The following GRK3 variants were observed in gnomAD, a reference collection of about 807,000 sequenced individuals.
The protein encoded by GRK3 is G protein-coupled receptor kinase 3.
Under a neutral mutation model 95.7 loss-of-function variants are expected in GRK3, and 54 were observed. The ratio of observed to expected loss-of-function variants is 0.56; its 90% CI spans 0.45 to 0.71. The LOEUF (loss-of-function observed/expected upper bound fraction) is 0.71. Among genes scored for constraint, GRK3 ranks in the 30% least tolerant of loss-of-function variants. GRK3 has a pLI of 0.00. For missense variants in GRK3, 649 were observed against 851.2 expected, an observed-to-expected ratio of 0.76 and a Z score of 2.96; for synonymous variants, 281 against 290.8, an observed-to-expected ratio of 0.97 and a Z score of 0.34.
At chr22:25,681,950 C>T (rs1428769370) in intron 9 of GRK3, among the ~76,000 whole-genome samples, 1 of 152,008 alleles carries the variant, frequency 6.6e-6, no homozygotes, top group Non-Finnish European at 1.5e-5. Context: ...TCATATTGGT[C>T]AGTATTCGGT....
intron 13 of GRK3, among the ~76,000 whole-genome samples, chr22:25,696,096 A>T (rs2085206496): frequency 6.6e-6 from 1 of 151,986 alleles, no homozygotes; most frequent in Non-Finnish European, 1.5e-5. Flanking sequence ...TGGCCTCCCA[A>T]AGTGCTGGGA....
intron 3 of GRK3, chr22:25,648,168 A>C: frequency 1.5e-6 from 1 of 687,644 alleles, no homozygotes; most frequent in Non-Finnish European, 2.6e-6. Flanking sequence ...AGAGAGCGAA[A>C]CTACTAAAGG....
At chr22:25,587,813 T>C (rs563299726) in intron 1 of GRK3, among the ~76,000 whole-genome samples, 1 of 152,342 alleles carries the variant, frequency 6.6e-6, no homozygotes, top group South Asian at 2.1e-4. Flanking sequence ...TTTCGCTTGG[T>C]TCTCATTCTC....
At chr22:25,608,042 G>T (rs1298309458) in intron 2 of GRK3, among the ~76,000 whole-genome samples, 1 of 152,166 alleles carries the variant, frequency 6.6e-6, no homozygotes. Flanking sequence ...GCCATTTAGG[G>T]TCTCTGTAGT....
chr22:25,659,531 C>T (rs551809579), intron 3 of GRK3, among the ~76,000 whole-genome samples: 2 of 152,342 alleles, frequency 1.3e-5, no homozygotes, highest in South Asian at 4.1e-4. Flanking sequence ...GATAGTGTTT[C>T]TATCCTGCAG....
intron 5 of GRK3, among the ~76,000 whole-genome samples, chr22:25,665,940 T>C (rs2084938860): frequency 6.6e-6 from 1 of 152,242 alleles, no homozygotes; most frequent in South Asian, 2.1e-4. Context: ...TGAGTGCTTC[T>C]AAAATGCACT....
intron 2 of GRK3, among the ~76,000 whole-genome samples, chr22:25,642,038 A>C (rs532216584): frequency 6.6e-6 from 1 of 152,380 alleles, no homozygotes; most frequent in South Asian, 2.1e-4. Context: ...AGAAATAGAA[A>C]AAGAAATACA....
rs529625785 is a variant in GRK3, at chr22:25,699,388, G to T, written c.1161-4122G>T. On this transcript the variant is annotated intron_variant, in intron 13 of 20. Transcript: ENST00000324198. The stretch of plus-strand genomic sequence containing the variant: ...CTCTGCATCCTGACACTCCTGGGGC[G>T]CCTGTCCTCAACCCTGGGGGACACT... Among the ~76,000 whole-genome samples, 4 of 152,196 alleles carry T rather than the reference G, an allele frequency of 2.6e-5. No homozygotes were observed. In the South Asian group the frequency reaches 6.2e-4, roughly 24 times the overall value.
At chr22:25,644,135 GTTTT>G (rs915278019) in intron 2 of GRK3, among the ~76,000 whole-genome samples, 1 of 142,634 alleles carries the variant, frequency 7.0e-6, no homozygotes, top group South Asian at 2.3e-4. Flanking sequence ...GGGTTCTGGT[GTTTT>G]TTTTTTTGTT....
intron 2 of GRK3, among the ~76,000 whole-genome samples, chr22:25,611,372 G>C (rs2084496065): frequency 6.6e-6 from 1 of 152,156 alleles, no homozygotes. Flanking sequence ...TGGCAAATTT[G>C]TGTTTAACTT....
At chr22:25,581,383 A>G (rs1932095125) in intron 1 of GRK3, 1 of 152,206 alleles carries the variant, frequency 6.6e-6, no homozygotes. Context: ...GTGACTTAAG[A>G]TGTACTATAT....
In GRK3 at chr22:25,721,364, A is replaced by G. The variant is rs748074430; in HGVS notation, c.1872A>G (p.Ile624Met). The change falls in exon 20 of 21, where the codon ATA becomes ATG. Residue 624 changes from isoleucine (I) to methionine (M), a missense_variant. By Grantham distance (10) the Ile-to-Met change is conservative. Transcript: ENST00000324198. ...ACAAAAAATGCATTTTGTTCAGAAT[A>G]AAAGGAGGGAAACAATTTGTCTTGC... ...IKDKKCILFR[I>M]KGGKQFVLQC... 1 of 1,598,848 alleles carries G rather than the reference A, an allele frequency of 6.3e-7. No homozygotes were observed. The highest frequency in any genetic ancestry group is 8.6e-7 in the Non-Finnish European group (1 of 1,169,440).
rs563644987 is a variant in GRK3, at chr22:25,643,784, A to C, written c.191-808A>C. 1.1e-4 allele frequency among the ~76,000 whole-genome samples: 16 copies of C among 152,326 alleles called. No homozygotes were observed. In the East Asian group the frequency reaches 3.1e-3, roughly 29 times the overall value. On this transcript the variant is annotated intron_variant, in intron 2 of 20. Coordinates refer to ENST00000324198, the MANE Select transcript of GRK3 (RefSeq NM_005160.4). ...TAGTGTGTGGTAAATATTTTGACAG[A>C]ATGTTGGAAAGGCTAAGTAAACATT...
chr22:25,639,703 G>A (rs550236995), intron 2 of GRK3, among the ~76,000 whole-genome samples: 15 of 152,062 alleles, frequency 9.9e-5, no homozygotes, highest in African/African-American at 3.4e-4. Flanking sequence ...TCTTTAAAAA[G>A]GCCTGTTGGA....
chr22:25,651,170 A>G (rs756483715), intron 3 of GRK3, among the ~76,000 whole-genome samples: 3 of 152,176 alleles, frequency 2.0e-5, no homozygotes, highest in Admixed American at 1.3e-4. Context: ...CAAAATACAA[A>G]TTTGAATAGC....
chr22:25,692,733 G>A (rs2085174980), intron 12 of GRK3, among the ~76,000 whole-genome samples: 1 of 152,388 alleles, frequency 6.6e-6, no homozygotes, highest in Middle Eastern at 3.4e-3. Flanking sequence ...GAGAAAGTAA[G>A]TAACTTGAAC....
chr22:25,687,194 T>C (rs928256432), intron 10 of GRK3, among the ~76,000 whole-genome samples: 1 of 151,954 alleles, frequency 6.6e-6, no homozygotes, highest in African/African-American at 2.4e-5. Flanking sequence ...GTCTGTTGGA[T>C]CACTCCATGG....
intron 3 of GRK3, chr22:25,648,551 T>C: frequency 6.9e-7 from 1 of 1,441,286 alleles, no homozygotes; most frequent in South Asian, 1.2e-5. Flanking sequence ...TGCCAGAAGC[T>C]TTTCTTCAAG....
chr22:25,683,905 G>A (rs1031213976), intron 9 of GRK3, among the ~76,000 whole-genome samples: 7 of 152,006 alleles, frequency 4.6e-5, no homozygotes, highest in Admixed American at 1.3e-4. Context: ...TATTGTTACT[G>A]CCTTTTGTGG....
Sources: gnomAD v4.1 joint callset for allele counts (sites outside exome capture counted in the v4.1 genomes callset) on GRCh38, gnomAD v4.1.1 for gene constraint, MANE v1.5 for transcripts, NCBI Gene and HGNC (gene_info 2026-07-23, HGNC 2026-07-21) for gene names.